The following KCNN2 variants were observed in gnomAD, a reference collection of about 807,000 sequenced individuals.
KCNN2 encodes small conductance calcium-activated potassium channel protein 2.
Under a neutral mutation model 55.5 loss-of-function variants are expected in KCNN2, and 24 were observed. The observed-to-expected ratio is 0.43, with a 90% CI of 0.31 to 0.61. KCNN2 has a LOEUF of 0.61. Among genes scored for constraint, KCNN2 ranks in the 20% least tolerant of loss-of-function variants. The probability of loss-of-function intolerance (pLI) is 0.08; values close to 1 mark genes in which losing one functional copy is unlikely to be tolerated. For missense variants in KCNN2, 754 were observed against 853.6 expected (o/e 0.88, Z 1.45); for synonymous variants, 431 against 336.1 (o/e 1.28, Z -3.09).
At chr5:114,275,262 C>A (rs540454896) in intron 2 of KCNN2, among the ~76,000 whole-genome samples, 1 of 152,156 alleles carries the variant, frequency 6.6e-6, no homozygotes, top group East Asian at 1.9e-4. Context: ...ATTTTTACGT[C>A]GATGTTCATC....
chr5:114,322,531 G>T lies in KCNN2; in HGVS notation c.-184-38414G>T, dbSNP rs147878329. Among the ~76,000 whole-genome samples, 442 of 151,186 alleles carry T rather than the reference G, an allele frequency of 2.9e-3. 7 individuals carry two copies. The highest frequency in any genetic ancestry group is 0.01 in the African/African-American group (421 of 41,138). Reference sequence around the variant, plus strand: ...AAGTACTCTTTTCATTGAACTTCAGGACACACTGCATGCATACATGTGCAC... The same window carrying T: ...AAGTACTCTTTTCATTGAACTTCAGTACACACTGCATGCATACATGTGCAC... On this transcript the variant is annotated intron_variant, in intron 2 of 10. Coordinates refer to the KCNN2 transcript ENST00000512097.
At chr5:114,194,221 T>C (rs1487597272) in intron 1 of KCNN2, among the ~76,000 whole-genome samples, 1 of 152,122 alleles carries the variant, frequency 6.6e-6, no homozygotes, top group East Asian at 1.9e-4. Context: ...TATCTAGTGG[T>C]GAAATGGCTG....
At chr5:114,294,598 G>C (rs1429227153) in intron 2 of KCNN2, among the ~76,000 whole-genome samples, 6 of 151,496 alleles carry the variant, frequency 4.0e-5, no homozygotes, top group Non-Finnish European at 8.8e-5. Flanking sequence ...ATGCTGAGGA[G>C]TGCTTTACTT....
At chr5:114,401,963 T>C (rs531834386) in intron 2 of KCNN2, among the ~76,000 whole-genome samples, 1 of 152,246 alleles carries the variant, frequency 6.6e-6, no homozygotes, top group African/African-American at 2.4e-5. Flanking sequence ...AAAAAGGTCA[T>C]TAGACAATGG....
intron 1 of KCNN2, among the ~76,000 whole-genome samples, chr5:114,136,465 A>G (rs1198745792): frequency 1.3e-5 from 2 of 152,216 alleles, no homozygotes; most frequent in African/African-American, 4.8e-5. Flanking sequence ...TACTGGTCAA[A>G]TGGTGTTTTC....
At chr5:114,324,505 AATAG>A (rs1228616598) in intron 2 of KCNN2, among the ~76,000 whole-genome samples, 24 of 152,312 alleles carry the variant, frequency 1.6e-4, no homozygotes, top group African/African-American at 5.3e-4. Context: ...AGCCAAGGAA[AATAG>A]ATGGCCTCTA....
At chr5:114,339,105 T>C (rs1176928487) in intron 2 of KCNN2, among the ~76,000 whole-genome samples, 1 of 152,192 alleles carries the variant, frequency 6.6e-6, no homozygotes, top group East Asian at 1.9e-4. Context: ...GTTTTTCTCT[T>C]TCTTTGCCAA....
chr5:114,270,329 T>C (rs965618990), intron 2 of KCNN2, among the ~76,000 whole-genome samples: 1 of 152,230 alleles, frequency 6.6e-6, no homozygotes, highest in East Asian at 1.9e-4. Flanking sequence ...TTTCAGTCTT[T>C]AGGACAAGAA....
intron 2 of KCNN2, among the ~76,000 whole-genome samples, chr5:114,319,790 GGTAAGTTCAAATCAAA>G: frequency 6.6e-6 from 1 of 152,144 alleles, no homozygotes; most frequent in South Asian, 2.1e-4. Context: ...CTTTTATTAA[GGTAAGTTCAAATCAAA>G]GATGCTTTGT....
chr5:114,143,313 A>G (rs1168553659), intron 1 of KCNN2, among the ~76,000 whole-genome samples: 4 of 152,172 alleles, frequency 2.6e-5, no homozygotes, highest in Non-Finnish European at 4.4e-5. Context: ...CAGAGCCTTA[A>G]AACAGAAACA....
At chr5:114,171,794 A>G (rs1189648348) in intron 1 of KCNN2, among the ~76,000 whole-genome samples, 1 of 151,682 alleles carries the variant, frequency 6.6e-6, no homozygotes, top group Non-Finnish European at 1.5e-5. Context: ...CATGCTAACT[A>G]TAAATGTGCT....
At chr5:114,443,220 G>C (rs962533774) in intron 3 of KCNN2, among the ~76,000 whole-genome samples, 3 of 151,992 alleles carry the variant, frequency 2.0e-5, no homozygotes, top group South Asian at 2.1e-4. Context: ...GAACGCAGGA[G>C]GGGGAGGTTG....
chr5:114,281,049 C>A (rs779936363), intron 2 of KCNN2, among the ~76,000 whole-genome samples: 2 of 152,184 alleles, frequency 1.3e-5, no homozygotes, highest in African/African-American at 2.4e-5. Context: ...TTATTTCATT[C>A]AGGTCAGTGC....
chr5:114,362,837 G>T lies in KCNN2; in HGVS notation c.698G>T (p.Arg233Leu), dbSNP rs756620223. ...CCGCTCAGCAACTTGAGCGCGTCCC[G>T]CCGGAACCTGCACGAGATGGACTCA... ...MRPLSNLSASRRNLHEMDSEA... is the reference protein window; with the variant it reads ...MRPLSNLSASLRNLHEMDSEA... Residue 233 changes from arginine (R) to leucine (L), a missense_variant, in exon 1 of 8, where the codon CGC (arginine) becomes CTC (leucine). Physicochemically the swap from Arg to Leu is moderately radical, Grantham distance 102 (BLOSUM62 -2). Coordinates refer to ENST00000673685, the MANE Select transcript of KCNN2 (RefSeq NM_021614.4). The T allele has an allele frequency of 5.6e-6, 9 of 1,599,790 alleles. No individual in the cohort carries two copies. The highest frequency in any genetic ancestry group is 3.3e-4 in the Middle Eastern group (2 of 6,078).
At chr5:114,277,276 C>A (rs1296086945) in intron 2 of KCNN2, among the ~76,000 whole-genome samples, 2 of 152,078 alleles carry the variant, frequency 1.3e-5, no homozygotes, top group Admixed American at 1.3e-4. Context: ...AACATTTTTT[C>A]CTTCATTTCA....
At position 114,170,435 on chromosome 5, in the gene KCNN2, A is replaced by T. The variant is rs190917358; in HGVS notation, c.-270-51045A>T. The stretch of plus-strand genomic sequence containing the variant: ...TTTTTTTCATAAAATTACTTTGGTT[A>T]TGCTTTGTGGTGGGGAACACTGCAC... On this transcript the variant is annotated intron_variant, in intron 1 of 10. Transcript: ENST00000512097. Among the ~76,000 whole-genome samples, 368 of 152,098 alleles carry T rather than the reference A, an allele frequency of 2.4e-3. 4 individuals are homozygous for T. Among genetic ancestry groups the T allele is most frequent in the Non-Finnish European group, 3.4e-4 (23 of 67,938 alleles).
At chr5:114,277,173 C>T (rs939742828) in intron 2 of KCNN2, among the ~76,000 whole-genome samples, 1 of 152,182 alleles carries the variant, frequency 6.6e-6, no homozygotes, top group African/African-American at 2.4e-5. Context: ...CCCCCAATCT[C>T]TTCTGGCTTG....
intron 2 of KCNN2, among the ~76,000 whole-genome samples, chr5:114,304,247 C>A (rs1049733349): frequency 2.0e-5 from 3 of 152,112 alleles, no homozygotes; most frequent in Non-Finnish European, 2.9e-5. Flanking sequence ...CCTCCATCAG[C>A]TGGCTATAAG....
chr5:114,439,967 A>G (rs1269107556), intron 3 of KCNN2, among the ~76,000 whole-genome samples: 1 of 152,160 alleles, frequency 6.6e-6, no homozygotes, highest in South Asian at 2.1e-4. Flanking sequence ...CTTGAATTGC[A>G]TGGTGGAAGC....
Sources: gnomAD v4.1 joint callset for allele counts (sites outside exome capture counted in the v4.1 genomes callset) on GRCh38, gnomAD v4.1.1 for gene constraint, MANE v1.5 for transcripts, NCBI Gene and HGNC (gene_info 2026-07-23, HGNC 2026-07-21) for gene names.